Variants in KSR2 observed in about 807,000 individuals in gnomAD.
The protein encoded by KSR2 is kinase suppressor of ras 2.
A neutral mutation model predicts 107.8 loss-of-function variants in KSR2; 25 were observed. That is an observed-to-expected ratio of 0.23 (90% CI 0.17 to 0.32). KSR2 has a LOEUF of 0.32. KSR2 is among the 10% of genes least tolerant of loss of function. The pLI is 1.00. For missense variants in KSR2, 887 were observed against 1,268.9 expected (o/e 0.70, Z 4.57); for synonymous variants, 480 against 507.0 (o/e 0.95, Z 0.71).
At chr12:117,809,004 T>C (rs1244856024) in intron 3 of KSR2, among the ~76,000 whole-genome samples, 1 of 152,124 alleles carries the variant, frequency 6.6e-6, no homozygotes, top group Non-Finnish European at 1.5e-5. Flanking sequence ...TAACTACACA[T>C]TGAAGATGGT....
At chr12:117,600,016 C>T (rs1268920028) in intron 5 of KSR2, among the ~76,000 whole-genome samples, 1 of 152,174 alleles carries the variant, frequency 6.6e-6, no homozygotes, top group African/African-American at 2.4e-5. Context: ...CAGGTTCTAC[C>T]AGACAAATGG....
In KSR2 at chr12:117,895,075, A is replaced by T. The variant is rs574427450; in HGVS notation, c.181-34644T>A. Among the ~76,000 whole-genome samples the T allele has an allele frequency of 1.3e-3, 199 of 151,776 alleles. 1 individual carries two copies. The highest frequency in any genetic ancestry group is 3.4e-3 in the Middle Eastern group (1 of 294). On this transcript the variant is annotated intron_variant, in intron 1 of 19. Coordinates refer to ENST00000339824, the MANE Select transcript of KSR2 (RefSeq NM_173598.6). ...TCAGACTCTGTCTCTACAAAAAATT[A>T]AAAAAATTAGCCAGGTGTGGTGGCA...
intron 7 of KSR2, among the ~76,000 whole-genome samples, chr12:117,563,289 G>A (rs1014402265): frequency 2.6e-5 from 4 of 152,122 alleles, no homozygotes; most frequent in African/African-American, 9.7e-5. Context: ...CATATCAGAG[G>A]AATACATTCT....
At chr12:117,565,111 A>C (rs1369226761) in intron 7 of KSR2, among the ~76,000 whole-genome samples, 1 of 152,192 alleles carries the variant, frequency 6.6e-6, no homozygotes, top group Non-Finnish European at 1.5e-5. Context: ...TGAAGCAGTC[A>C]TAAGCCTAGA....
At chr12:117,535,616 G>C (rs936745950) in intron 10 of KSR2, among the ~76,000 whole-genome samples, 10 of 131,784 alleles carry the variant, frequency 7.6e-5, no homozygotes, top group Admixed American at 7.5e-4. Flanking sequence ...GTGTGTGTGT[G>C]TGTGTGTGTG....
At chr12:117,777,054 C>A (rs1278373453) in intron 3 of KSR2, among the ~76,000 whole-genome samples, 5 of 144,902 alleles carry the variant, frequency 3.5e-5, no homozygotes, top group Admixed American at 6.9e-5. Context: ...TAGGTGTGTT[C>A]CTGTTTCAAG....
At chr12:117,717,116 C>G (rs1396811972) in intron 4 of KSR2, among the ~76,000 whole-genome samples, 2 of 152,220 alleles carry the variant, frequency 1.3e-5, no homozygotes, top group African/African-American at 4.8e-5. Context: ...GTGATCCACT[C>G]TCCCAGCCCA....
intron 1 of KSR2, among the ~76,000 whole-genome samples, chr12:117,924,485 T>C (rs1171402655): frequency 2.2e-5 from 3 of 139,054 alleles, no homozygotes; most frequent in Non-Finnish European, 4.5e-5. Context: ...GGCAGGAGAA[T>C]CACTTGAACC....
intron 4 of KSR2, among the ~76,000 whole-genome samples, chr12:117,740,625 T>C: frequency 7.4e-6 from 1 of 135,206 alleles, no homozygotes; most frequent in East Asian, 2.0e-4. Context: ...ACATATATTA[T>C]ATATGTAATA....
chr12:117,636,373 A>G (rs1241429820), intron 5 of KSR2, among the ~76,000 whole-genome samples: 2 of 148,596 alleles, frequency 1.3e-5, no homozygotes, highest in East Asian at 1.9e-4. Flanking sequence ...ATATATGTAT[A>G]TGGAGATATA....
At chr12:117,950,749 A>AAAAATAAT (rs1555260902) in intron 1 of KSR2, among the ~76,000 whole-genome samples, 1 of 132,166 alleles carries the variant, frequency 7.6e-6, no homozygotes, top group Non-Finnish European at 1.6e-5. Flanking sequence ...AAAAAAAAAA[A>AAAAATAAT]AATAATAATA....
rs367590856 is a variant in KSR2 at position 117,729,339 on chromosome 12, A to G, written c.986+31672T>C. ...TTACATTCAAGATTCTGCTTGCCAT[A>G]GGGGTGACAAATATTAGTTGCATAC... On this transcript the variant is annotated intron_variant, in intron 4 of 19. Transcript: ENST00000339824. Among the ~76,000 whole-genome samples the G allele has an allele frequency of 8.5e-5, 13 of 152,190 alleles. No homozygotes were observed. The South Asian group carries it at 1.7e-3, about 19-fold the overall frequency.
chr12:117,578,863 G>C (rs1159854440), intron 7 of KSR2, among the ~76,000 whole-genome samples: 1 of 152,170 alleles, frequency 6.6e-6, no homozygotes, highest in Non-Finnish European at 1.5e-5. Context: ...ATGAAAACGA[G>C]AAGTATCACT....
At position 117,702,263 on chromosome 12, in the gene KSR2, G is replaced by T. The variant is rs146196423; in HGVS notation, c.987-34605C>A. ...GCCCTCCCAACACCAAGCACCTCGC[G>T]TTGGTAGCCTTTGTCAGTTCCATTG... On this transcript the variant is annotated intron_variant, in intron 4 of 19. Transcript: ENST00000339824. Among the ~76,000 whole-genome samples the T allele has an allele frequency of 3.0e-4, 46 of 152,268 alleles. No homozygotes were observed. In the East Asian group the frequency reaches 6.6e-3, roughly 22 times the overall value.
At chr12:117,546,604 A>C (rs1005514276) in intron 9 of KSR2, among the ~76,000 whole-genome samples, 1 of 152,106 alleles carries the variant, frequency 6.6e-6, no homozygotes, top group Admixed American at 6.5e-5. Flanking sequence ...CACCGATGAC[A>C]CCAATGTTAG....
intron 10 of KSR2, among the ~76,000 whole-genome samples, chr12:117,535,604 T>TTGTGTGTGTGTGTGTG (rs5801239): frequency 5.6e-5 from 8 of 142,232 alleles, no homozygotes; most frequent in African/African-American, 2.1e-4. Flanking sequence ...TTTCCTGGAG[T>TTGTGTGTGTGTGTGTG]TGTGTGTGTG....
intron 1 of KSR2, among the ~76,000 whole-genome samples, chr12:117,879,333 T>A (rs1466089864): frequency 6.6e-6 from 1 of 152,232 alleles, no homozygotes; most frequent in African/African-American, 2.4e-5. Flanking sequence ...TGTAACTGAA[T>A]AACTAATTTA....
chr12:117,590,982 A>T (rs1880279503), intron 5 of KSR2, among the ~76,000 whole-genome samples: 1 of 152,210 alleles, frequency 6.6e-6, no homozygotes, highest in Non-Finnish European at 1.5e-5. Context: ...GTAGTCTCCA[A>T]GCCAAAATAC....
At chr12:117,575,697 A>G (rs1308734438) in intron 7 of KSR2, among the ~76,000 whole-genome samples, 1 of 152,224 alleles carries the variant, frequency 6.6e-6, no homozygotes, top group Non-Finnish European at 1.5e-5. Context: ...CACCATGTCA[A>G]AACTCCTGAA....
Sources: allele counts gnomAD v4.1 joint callset (sites outside exome capture counted in the v4.1 genomes callset), GRCh38; gene constraint gnomAD v4.1.1; transcripts MANE v1.5; gene names NCBI Gene and HGNC (gene_info 2026-07-23, HGNC 2026-07-21).